The following TDRP variants were observed in gnomAD, a reference collection of about 807,000 sequenced individuals.
TDRP encodes testis development-related protein.
In TDRP, 12 loss-of-function variants were observed where a neutral mutation model predicts 10.5. That is an observed-to-expected ratio of 1.15 (90% CI 0.73 to 1.86). The LOEUF is 1.86. Ranked by LOEUF, TDRP falls within the 40% of genes most tolerant of loss-of-function variation. TDRP has a pLI of 0.00. For missense variants in TDRP, 353 were observed against 229.2 expected, an observed-to-expected ratio of 1.54 and a Z score of -3.49; for synonymous variants, 139 against 95.4, an observed-to-expected ratio of 1.46 and a Z score of -2.67.
At chr8:545,063 C>T (rs1802616166), upstream of TDRP, 2 of 218,208 alleles carry the variant, frequency 9.2e-6, no homozygotes, top group African/African-American at 2.4e-5. Context: ...AAACCTTCCC[C>T]AGGACCAGAC....
intron 1 of TDRP, among the ~76,000 whole-genome samples, chr8:529,697 T>TC (rs1161349370): frequency 6.6e-6 from 1 of 152,190 alleles, no homozygotes; most frequent in Non-Finnish European, 1.5e-5. Flanking sequence ...ATCACCCCAC[T>TC]CCCTTTTGTA....
chr8:523,451 G>A (rs750288423), intron 1 of TDRP, among the ~76,000 whole-genome samples: 1 of 152,098 alleles, frequency 6.6e-6, no homozygotes, highest in Non-Finnish European at 1.5e-5. Context: ...AAATCAGCTT[G>A]GGTACCAGCT....
At chr8:494,682 A>G in intron 1 of TDRP, 85 bp from the exon 2 acceptor site, 1 of 1,241,614 alleles carries the variant, frequency 8.1e-7, no homozygotes, top group Non-Finnish European at 1.2e-6. Flanking sequence ...ATGGAGTTGA[A>G]ATTTAGAAAA....
intron 1 of TDRP, 104 bp from the exon 2 acceptor site, chr8:494,701 G>T: frequency 1.0e-6 from 1 of 999,696 alleles, no homozygotes; most frequent in Non-Finnish European, 1.5e-6. Context: ...AAAAGAATTG[G>T]CAGAGCTTAC....
rs995790425 is a variant in TDRP at position 491,896 on chromosome 8, A to G, written c.*503T>C. On this transcript the variant is annotated 3_prime_UTR_variant, in exon 3 of 3. Coordinates refer to ENST00000324079, the MANE Select transcript of TDRP (RefSeq NM_001384899.1). The stretch of plus-strand genomic sequence containing the variant: ...TATTTGTTTACGTATTTGTTTAATA[A>G]GAACAAAGTTTAATTTGTCAAGTTA... 4 of 1,169,394 alleles carry G rather than the reference A, an allele frequency of 3.4e-6. No homozygotes were observed. Among genetic ancestry groups the G allele is most frequent in the African/African-American group, 3.2e-5 (2 of 62,964 alleles). 72.4% of individuals were successfully genotyped at this position (1,169,394 alleles called of 1,614,324 possible). A position where few individuals can be genotyped will look rare whatever the true frequency, so the allele number is the denominator to read the frequency against.
intron 1 of TDRP, among the ~76,000 whole-genome samples, chr8:498,980 T>A (rs1389293480): frequency 2.0e-5 from 3 of 152,124 alleles, no homozygotes; most frequent in Non-Finnish European, 2.9e-5. Flanking sequence ...CCCAGCCACA[T>A]GGAACTGTGA....
At chr8:501,492 GA>G (rs1563118234) in intron 1 of TDRP, among the ~76,000 whole-genome samples, 1 of 151,646 alleles carries the variant, frequency 6.6e-6, no homozygotes, top group African/African-American at 2.4e-5. Flanking sequence ...AATTACAGGC[GA>G]TGGCCACCAC....
Position 498,827 on chromosome 8 carries a change from C to G in TDRP, c.109-4230G>C, listed in dbSNP as rs111582725. ...GGAAGCGGATTTCCCCCTTGCTGTT[C>G]TTGTGATAGTGAGTTCTCACAAGAT... is the stretch of plus-strand genomic sequence containing the variant. On this transcript the variant is annotated intron_variant, in intron 1 of 2. Transcript: ENST00000324079. Among the ~76,000 whole-genome samples, 396 of 152,194 alleles carry G rather than the reference C, an allele frequency of 2.6e-3. 1 individual carries two copies. Among genetic ancestry groups the G allele is most frequent in the African/African-American group, 9.2e-3 (382 of 41,514 alleles).
rs998026145 is a variant in TDRP, at chr8:530,433, G to A, written c.108+14217C>T. Among the ~76,000 whole-genome samples the A allele has an allele frequency of 1.7e-4, 26 of 151,642 alleles. 1 individual carries two copies. The highest frequency in any genetic ancestry group is 1.7e-3 in the Admixed American group (26 of 15,240). On this transcript the variant is annotated intron_variant, in intron 1 of 2. Transcript: ENST00000324079. ...TCTTCATATGTCTCATTATTTTTTT[G>A]CTGGGATTTGGGGTATCTGAAAAAA...
At chr8:500,182 C>T (rs1015730322) in intron 1 of TDRP, among the ~76,000 whole-genome samples, 4 of 152,170 alleles carry the variant, frequency 2.6e-5, no homozygotes, top group Admixed American at 2.6e-4. Context: ...ATTATTTTTC[C>T]TGTTTTAGCT....
intron 1 of TDRP, among the ~76,000 whole-genome samples, chr8:515,839 G>C (rs909993763): frequency 2.6e-5 from 4 of 151,962 alleles, no homozygotes; most frequent in African/African-American, 9.7e-5. Flanking sequence ...ATTACTTTTA[G>C]ACAATGACTA....
In TDRP at chr8:525,661, G is replaced by C. The variant is rs538514607; in HGVS notation, c.108+18989C>G. Among the ~76,000 whole-genome samples the C allele has an allele frequency of 5.3e-5, 8 of 151,938 alleles. 1 individual carries two copies. In the East Asian group the frequency reaches 1.2e-3, roughly 22 times the overall value. ...GGGTTATATTATTTGCAAGCCTCAT[G>C]GTAACCTCAAATCAAAAAACATACA... On this transcript the variant is annotated intron_variant, in intron 1 of 2. Transcript: ENST00000324079.
At chr8:501,274 T>C (rs1024460566) in intron 1 of TDRP, among the ~76,000 whole-genome samples, 5 of 152,158 alleles carry the variant, frequency 3.3e-5, no homozygotes, top group Admixed American at 6.5e-5. Context: ...CCACATAACC[T>C]GCACCTACCA....
intron 1 of TDRP, among the ~76,000 whole-genome samples, chr8:515,002 A>G (rs1426397297): frequency 6.6e-6 from 1 of 152,216 alleles, no homozygotes; most frequent in East Asian, 1.9e-4. Flanking sequence ...CTTTATTCCA[A>G]TTCAGCTAAT....
chr8:544,863 A>G (rs934553671), upstream of TDRP: 5 of 850,868 alleles, frequency 5.9e-6, no homozygotes, highest in Non-Finnish European at 4.6e-6. Flanking sequence ...ACGCGGGCCC[A>G]GTGGGCCGGG....
At chr8:510,909 G>C (rs1461189133) in intron 1 of TDRP, among the ~76,000 whole-genome samples, 1 of 152,144 alleles carries the variant, frequency 6.6e-6, no homozygotes, top group African/African-American at 2.4e-5. Context: ...ATACTACATA[G>C]AAATGTAATG....
At chr8:522,658 CTT>C (rs1175754764) in intron 1 of TDRP, among the ~76,000 whole-genome samples, 1 of 152,316 alleles carries the variant, frequency 6.6e-6, no homozygotes, top group East Asian at 1.9e-4. Context: ...TAGCTTGACT[CTT>C]TGTTTGGGGC....
In TDRP at chr8:492,234, C is replaced by T; in HGVS notation, c.*165G>A. 3.1e-6 allele frequency: 4 copies of T among 1,300,382 alleles called. No homozygotes were observed. Among genetic ancestry groups the T allele is most frequent in the Non-Finnish European group, 3.9e-6 (4 of 1,028,344 alleles). 80.6% of individuals were successfully genotyped at this position (1,300,382 alleles called of 1,614,324 possible). ...TCCCTGCACGTGTTCACCAAGGAGT[C>T]ACAGTGTGTGTGAGAGTTCATTAAA... On this transcript the variant is annotated 3_prime_UTR_variant, in exon 3 of 3. Transcript: ENST00000324079.
intron 1 of TDRP, among the ~76,000 whole-genome samples, chr8:511,515 T>A (rs377460292): frequency 6.6e-6 from 1 of 152,020 alleles, no homozygotes; most frequent in East Asian, 1.9e-4. Context: ...AAATCCAATA[T>A]TCACAGAGAT....
Sources: allele counts gnomAD v4.1 joint callset (sites outside exome capture counted in the v4.1 genomes callset), GRCh38; gene constraint gnomAD v4.1.1; transcripts MANE v1.5; gene names NCBI Gene and HGNC (gene_info 2026-07-23, HGNC 2026-07-21).